PLCZ1: variants seen among roughly 807,000 people sequenced by gnomAD.
PLCZ1 encodes the protein phospholipase C zeta 1.
Under a neutral mutation model 76.8 loss-of-function variants are expected in PLCZ1, and 64 were observed. The ratio of observed to expected loss-of-function variants is 0.83; its 90% CI spans 0.68 to 1.03. The LOEUF (loss-of-function observed/expected upper bound fraction) is 1.03. Ranked by LOEUF, PLCZ1 falls within the 50% of genes least tolerant of loss-of-function variation. The pLI is 0.00. For missense variants in PLCZ1, 751 were observed against 713.7 expected, an observed-to-expected ratio of 1.05 and a Z score of -0.60; for synonymous variants, 248 against 230.8, an observed-to-expected ratio of 1.07 and a Z score of -0.68.
intron 13 of PLCZ1, 124 bp downstream of exon 13, chr12:18,687,965 G>T: frequency 7.8e-7 from 1 of 1,288,556 alleles, no homozygotes. Context: ...GCTAATTTTG[G>T]ACATAATGGA....
intron 2 of PLCZ1, among the ~76,000 whole-genome samples, chr12:18,736,961 T>A (rs2417722): frequency 0.31 from 47,250 of 151,374 alleles, 7,554 homozygotes; most frequent in African/African-American, 0.37. Flanking sequence ...ACGAAAAAAA[T>A]TTTTAAAAGC....
At chr12:18,676,568 T>TAAG in the PLCZ1 span, among the ~76,000 whole-genome samples, 11 of 152,068 alleles carry the variant, frequency 7.2e-5, no homozygotes, top group African/African-American at 2.6e-4. Flanking sequence ...GTTAGGTGTC[T>TAAG]AAGAAGGGAG....
Position 18,729,237 on chromosome 12 carries a change from T to C in PLCZ1, c.136-5695A>G, listed in dbSNP as rs75367636. On this transcript the variant is annotated intron_variant, in intron 3 of 14. Transcript: ENST00000266505. ...CATCCTGTACTCCAGTCATATTTGA[T>C]TACTTTTTATTCTCCATGCACTCTT... is the stretch of plus-strand genomic sequence containing the variant. Among the ~76,000 whole-genome samples, 1,185 of 151,976 alleles carry C rather than the reference T, an allele frequency of 7.8e-3. 16 individuals are homozygous for C. The highest frequency in any genetic ancestry group is 0.028 in the African/African-American group (1,147 of 41,526).
chr12:18,722,790 A>C (rs1224831007), intron 4 of PLCZ1, among the ~76,000 whole-genome samples: 1 of 152,100 alleles, frequency 6.6e-6, no homozygotes, highest in African/African-American at 2.4e-5. Context: ...ACAAGCGAAA[A>C]GTATATATAT....
chr12:18,655,217 C>T, the PLCZ1 span, among the ~76,000 whole-genome samples: 1 of 152,124 alleles, frequency 6.6e-6, no homozygotes, highest in East Asian at 1.9e-4. Flanking sequence ...GTATCAGAAA[C>T]ATCAACTGCA....
chr12:18,656,367 GT>G, the PLCZ1 span, among the ~76,000 whole-genome samples: 1 of 152,078 alleles, frequency 6.6e-6, no homozygotes, highest in Non-Finnish European at 1.5e-5. Context: ...CACGAGCTCA[GT>G]AGTTCAAGAC....
chr12:18,672,573 C>T, the PLCZ1 span, among the ~76,000 whole-genome samples: 1 of 152,258 alleles, frequency 6.6e-6, no homozygotes, highest in East Asian at 1.9e-4. Context: ...CACTACTCAT[C>T]ACATTTGAAT....
intron 5 of PLCZ1, among the ~76,000 whole-genome samples, chr12:18,718,639 CT>C: frequency 6.6e-6 from 1 of 152,108 alleles, no homozygotes; most frequent in Non-Finnish European, 1.5e-5. Flanking sequence ...ACAACTATTT[CT>C]TTTTACCTCT....
downstream of PLCZ1, among the ~76,000 whole-genome samples, chr12:18,678,779 A>G: frequency 6.6e-6 from 1 of 152,012 alleles, no homozygotes; most frequent in East Asian, 1.9e-4. Context: ...GTTTGGGGTT[A>G]TTATAAAAAA....
At chr12:18,659,560 C>A in the PLCZ1 span, among the ~76,000 whole-genome samples, 1 of 151,806 alleles carries the variant, frequency 6.6e-6, no homozygotes, top group Non-Finnish European at 1.5e-5. Context: ...TCAATTGTCT[C>A]AATAATGTAT....
At chr12:18,668,600 T>C in the PLCZ1 span, among the ~76,000 whole-genome samples, 1 of 152,092 alleles carries the variant, frequency 6.6e-6, no homozygotes, top group East Asian at 1.9e-4. Flanking sequence ...ACACTGAAGA[T>C]AGGACCAACA....
At chr12:18,669,931 G>A in the PLCZ1 span, among the ~76,000 whole-genome samples, 6 of 152,082 alleles carry the variant, frequency 3.9e-5, no homozygotes, top group Admixed American at 1.3e-4. Context: ...GCCTCCCAAA[G>A]TGCTGGGACT....
At chr12:18,677,161 G>C in the PLCZ1 span, among the ~76,000 whole-genome samples, 24 of 152,216 alleles carry the variant, frequency 1.6e-4, no homozygotes, top group Non-Finnish European at 2.8e-4. Context: ...ACAAGATACT[G>C]TCATATTCCA....
intron 13 of PLCZ1, among the ~76,000 whole-genome samples, chr12:18,684,847 AG>A (rs1408055618): frequency 6.6e-6 from 1 of 151,974 alleles, no homozygotes; most frequent in Admixed American, 6.6e-5. Flanking sequence ...ACTGGATTAT[AG>A]GGGGCTGTTC....
At chr12:18,706,415 T>C (rs1282011687) in intron 6 of PLCZ1, among the ~76,000 whole-genome samples, 1 of 152,032 alleles carries the variant, frequency 6.6e-6, no homozygotes, top group South Asian at 2.1e-4. Context: ...CACTGATGAG[T>C]TGGGGGAAAT....
At chr12:18,651,192 G>A in the PLCZ1 span, among the ~76,000 whole-genome samples, 1 of 151,764 alleles carries the variant, frequency 6.6e-6, no homozygotes, top group Non-Finnish European at 1.5e-5. Context: ...CTTCATCCCT[G>A]GGATCTTTGA....
intron 1 of PLCZ1, 146 bp from the exon 2 acceptor site, chr12:18,737,655 A>C: frequency 1.9e-6 from 1 of 533,178 alleles, no homozygotes; most frequent in African/African-American, 1.9e-5. Flanking sequence ...CGTTCTGACC[A>C]CCTCCAAACC....
At chr12:18,691,189 GA>G (rs926349315) in intron 12 of PLCZ1, among the ~76,000 whole-genome samples, 2 of 152,140 alleles carry the variant, frequency 1.3e-5, no homozygotes, top group African/African-American at 4.8e-5. Context: ...ATGTGAAGGA[GA>G]TGTGAAAGAT....
intron 3 of PLCZ1, among the ~76,000 whole-genome samples, chr12:18,731,804 A>C (rs1412339239): frequency 6.6e-6 from 1 of 152,072 alleles, no homozygotes; most frequent in Non-Finnish European, 1.5e-5. Flanking sequence ...TCATCTTCCT[A>C]GTACAAAACT....
Sources: gnomAD v4.1 joint callset for allele counts (sites outside exome capture counted in the v4.1 genomes callset) on GRCh38, gnomAD v4.1.1 for gene constraint, MANE v1.5 for transcripts, NCBI Gene and HGNC (gene_info 2026-07-23, HGNC 2026-07-21) for gene names.